The following STRC variants were observed in gnomAD, a reference collection of about 807,000 sequenced individuals.
The protein encoded by STRC is stereocilin.
A neutral mutation model predicts 103.5 loss-of-function variants in STRC; 43 were observed. The observed-to-expected ratio is 0.42, with a 90% CI of 0.33 to 0.54. STRC has a LOEUF of 0.54. Ranked by LOEUF, STRC falls within the 20% of genes least tolerant of loss-of-function variation. The pLI, the probability that STRC is intolerant of heterozygous loss-of-function variation, is 0.14. For missense variants in STRC, 499 were observed against 1,088.5 expected, an observed-to-expected ratio of 0.46 and a Z score of 7.62; for synonymous variants, 186 against 442.3, an observed-to-expected ratio of 0.42 and a Z score of 7.27.
At chr15:43,603,676 C>G (rs2085690506) in intron 22 of STRC, 2 of 631,672 alleles carry the variant, frequency 3.2e-6, no homozygotes, top group East Asian at 5.9e-5. Flanking sequence ...ACCCAGTTCT[C>G]CAGCCTCACA....
At position 43,608,434 on chromosome 15, in the gene STRC, GA is replaced by G. The variant is rs1269303457; in HGVS notation, c.3558-232del. Among the ~76,000 whole-genome samples, 2 of 142,480 alleles carry G rather than the reference GA, an allele frequency of 1.4e-5. 1 individual carries two copies. Among genetic ancestry groups the G allele is most frequent in the Non-Finnish European group, 3.1e-5 (2 of 64,792 alleles). The allele number at this position is 142,480 out of a possible 152,430, so 93.5% of individuals were successfully genotyped here. A position where few individuals can be genotyped will look rare whatever the true frequency, so the allele number is the denominator to read the frequency against. ...TGACATTCCCAACATCATTCTGCTAGAAATGTGGTAAACTGAAACTAGAGCC... is the reference window on the plus strand; with the variant it reads ...TGACATTCCCAACATCATTCTGCTAGAATGTGGTAAACTGAAACTAGAGCC... On this transcript the variant is annotated intron_variant, in intron 16 of 28. Transcript: ENST00000450892.
At chr15:43,601,227 G>C (rs1176052670) in intron 24 of STRC, among the ~76,000 whole-genome samples, 169 bp downstream of exon 24, 1 of 151,874 alleles carries the variant, frequency 6.6e-6, no homozygotes, top group Non-Finnish European at 1.5e-5. Context: ...GGGCCTCAGA[G>C]TGAATAAATC....
Position 43,603,417 on chromosome 15 carries a change from G to T in STRC, c.4376-6C>A. The T allele has an allele frequency of 6.2e-7, 1 of 1,612,962 alleles. No individual in the cohort carries two copies. Among genetic ancestry groups the T allele is most frequent in the South Asian group, 1.1e-5 (1 of 91,046 alleles). The stretch of plus-strand genomic sequence containing the variant: ...TGCACAATTTGGCACAGGTTCTGAA[G>T]GGGGAAGGCAGGGCCAGGAGGTCAG... On this transcript the variant is annotated splice_polypyrimidine_tract_variant and splice_region_variant and intron_variant, in intron 22 of 28. Coordinates refer to ENST00000450892, the MANE Select transcript of STRC (RefSeq NM_153700.2).
chr15:43,608,103 G>A lies in STRC; in HGVS notation c.3658C>T (p.Pro1220Ser). ...LEVVHMIYQLPTRVRGSLRAC... is the reference protein window; with the variant it reads ...LEVVHMIYQLSTRVRGSLRAC... ...ACCAGGCTCCCTCGAACTCTAGTGG[G>A]CAGCTGATAGATCATGTGCACCACT... The change falls in exon 17 of 29, where the codon CCC (proline) becomes TCC (serine). Residue 1220 changes from proline (P) to serine (S), a missense_variant. Pro to Ser is a moderately conservative substitution (Grantham distance 74). Transcript: ENST00000450892. The A allele has an allele frequency of 6.2e-7, 1 of 1,609,524 alleles. No homozygotes were observed. The highest frequency in any genetic ancestry group is 1.7e-5 in the Admixed American group (1 of 59,762).
intron 20 of STRC, 59 bp from the exon 21 acceptor site, chr15:43,604,510 G>A: frequency 6.3e-7 from 1 of 1,588,046 alleles, no homozygotes; most frequent in Non-Finnish European, 8.6e-7. Context: ...GGAAAAGGAA[G>A]GGGAAAAGAG....
chr15:43,602,379 T>A (rs2085677119), intron 23 of STRC, among the ~76,000 whole-genome samples: 1 of 151,794 alleles, frequency 6.6e-6, no homozygotes. Context: ...AGACAGGGTT[T>A]CACCATGTTG....
rs1461173768 is a variant in STRC at position 43,607,917 on chromosome 15, G to A, written c.3740C>T (p.Thr1247Ile). 6.2e-7 allele frequency: 1 copy of A among 1,606,218 alleles called. No homozygotes were observed. The highest frequency in any genetic ancestry group is 2.2e-5 in the East Asian group (1 of 44,650). Reference protein sequence around the residue: ...RRMAMPEPEWTTVGPELNGLD... With the variant: ...RRMAMPEPEWITVGPELNGLD... Reference sequence around the variant, plus strand: ...CCCGTTCAGTTCTGGCCCTACAGTTGTCCATTCTGGTTCTGGCATTGCCAT... The same window carrying A: ...CCCGTTCAGTTCTGGCCCTACAGTTATCCATTCTGGTTCTGGCATTGCCAT... Residue 1247 changes from threonine to isoleucine, a missense_variant, in exon 18 of 29, where the codon ACA becomes ATA. Transcript: ENST00000450892.
intron 23 of STRC, 54 bp from the exon 24 acceptor site, chr15:43,601,605 A>G: frequency 6.3e-7 from 1 of 1,595,014 alleles, no homozygotes. Flanking sequence ...TGGGAGTCAT[A>G]CTGCTGGGTT....
chr15:43,608,724 GAAAA>G (rs144553505), intron 16 of STRC, among the ~76,000 whole-genome samples: 2 of 71,772 alleles, frequency 2.8e-5, no homozygotes, highest in African/African-American at 5.5e-5. Flanking sequence ...AGACTGTCTC[GAAAA>G]AAAAAAAAAA....
At position 43,609,255 on chromosome 15, in the gene STRC, T is replaced by A. The variant is rs766291847; in HGVS notation, c.3557+21A>T. The stretch of plus-strand genomic sequence containing the variant: ...AAAATGTTGGTCGAATTCAGCGCAC[T>A]GCTCAACACAAGTTACTCACTGCAG... On this transcript the variant is annotated intron_variant, in intron 16 of 28. Coordinates refer to ENST00000450892, the MANE Select transcript of STRC (RefSeq NM_153700.2). 3.6e-5 allele frequency: 58 copies of A among 1,609,354 alleles called. 1 individual carries two copies. The highest frequency in any genetic ancestry group is 4.2e-6 in the Non-Finnish European group (5 of 1,178,590).
chr15:43,601,536 G>C lies in STRC; in HGVS notation c.4561C>G (p.Arg1521Gly), dbSNP rs138763871. 1.2e-6 allele frequency: 2 copies of C among 1,611,704 alleles called. No individual in the cohort carries two copies. Among genetic ancestry groups the C allele is most frequent in the East Asian group, 2.2e-5 (1 of 44,850 alleles). ...GKAKQLWGPP[R>G]GFRPEQILQL... Reference sequence around the variant, plus strand: ...AGGATCTGCTCAGGACGAAATCCCCGGGGGGGACCCCACAACTAGGAGAAA... The same window carrying C: ...AGGATCTGCTCAGGACGAAATCCCCCGGGGGGACCCCACAACTAGGAGAAA... Residue 1521 changes from arginine (R) to glycine (G), a missense_variant, in exon 24 of 29, where the codon CGG (arginine) becomes GGG (glycine). Transcript: ENST00000450892.
At chr15:43,603,642 A>G (rs1041691805) in intron 22 of STRC, 3 of 640,694 alleles carry the variant, frequency 4.7e-6, no homozygotes, top group Non-Finnish European at 5.4e-6. Context: ...TTATTCAGAG[A>G]TTTAATGGTA....
At chr15:43,605,504 A>C in intron 18 of STRC, 105 bp from the exon 19 acceptor site, 1 of 1,537,230 alleles carries the variant, frequency 6.5e-7, no homozygotes, top group South Asian at 1.2e-5. Context: ...CCCCAGACCA[A>C]ATTTAGTGAA....
intron 22 of STRC, 126 bp from the exon 23 acceptor site, chr15:43,603,537 G>C: frequency 9.9e-7 from 1 of 1,014,494 alleles, no homozygotes. Context: ...GGGATCAAAG[G>C]AGTATTACAG....
At position 43,603,321 on chromosome 15, in the gene STRC, T is replaced by C; in HGVS notation, c.4466A>G (p.Glu1489Gly). 1.2e-6 allele frequency: 2 copies of C among 1,613,872 alleles called. No homozygotes were observed. Among genetic ancestry groups the C allele is most frequent in the Non-Finnish European group, 1.7e-6 (2 of 1,179,894 alleles). ...TCCTGCAAATAATGTCAGGCAGTCC[T>C]CAAAGTCTGAGAGCTCCATCTCTGC... ...QIAEMELSDF[E>G]DCLTLFAGDP... Residue 1489 changes from glutamate (E) to glycine (G), a missense_variant, in exon 23 of 29, where the codon GAG becomes GGG. Coordinates refer to ENST00000450892, the MANE Select transcript of STRC (RefSeq NM_153700.2).
chr15:43,601,483 TA>T lies in STRC; in HGVS notation c.4613del (p.Leu1538GlnfsTer9). ...ILQLGRLLIG[L>X]GDRELQELIL... is the part of the protein sequence containing the mutation. ...TCAGCTCCTGTAGTTCCCGATCTCCTAGACCTATTAAGAGCCTACCAAGCTG... is the reference window on the plus strand; with the variant it reads ...TCAGCTCCTGTAGTTCCCGATCTCCTGACCTATTAAGAGCCTACCAAGCTG... On this transcript the variant is annotated frameshift_variant, in exon 24 of 29. Transcript: ENST00000450892. LOFTEE classifies it high-confidence loss of function. The T allele has an allele frequency of 6.2e-7, 1 of 1,613,766 alleles. No individual in the cohort carries two copies. The highest frequency in any genetic ancestry group is 8.5e-7 in the Non-Finnish European group (1 of 1,179,850).
intron 23 of STRC, 91 bp downstream of exon 23, chr15:43,603,151 C>A (rs1595958324): frequency 7.2e-7 from 1 of 1,396,762 alleles, no homozygotes; most frequent in Non-Finnish European, 1.0e-6. Flanking sequence ...GCTTCCCCCA[C>A]CTCTCATCCA....
intron 23 of STRC, among the ~76,000 whole-genome samples, chr15:43,602,360 T>C (rs1490721034): frequency 4.0e-5 from 6 of 151,734 alleles, no homozygotes; most frequent in East Asian, 1.9e-4. Context: ...TTTTTTCTAT[T>C]TTTAGTAGAG....
chr15:43,603,232 C>T lies in STRC; in HGVS notation c.4545+10G>A. The stretch of plus-strand genomic sequence containing the variant: ...TCATGGCCAACCCCAGTTGGCTCTC[C>T]ATCCCTAACCTGTTTTGCTTTGCCC... On this transcript the variant is annotated intron_variant, in intron 23 of 28. Transcript: ENST00000450892. 1.9e-6 allele frequency: 3 copies of T among 1,613,152 alleles called. No homozygotes were observed. Among genetic ancestry groups the T allele is most frequent in the Non-Finnish European group, 2.5e-6 (3 of 1,179,638 alleles).
Sources: gnomAD v4.1 joint callset for allele counts (sites outside exome capture counted in the v4.1 genomes callset) on GRCh38, gnomAD v4.1.1 for gene constraint, MANE v1.5 for transcripts, NCBI Gene and HGNC (gene_info 2026-07-23, HGNC 2026-07-21) for gene names.